The following NUP42 variants were observed in gnomAD, a reference collection of about 807,000 sequenced individuals.
The protein encoded by NUP42 is nucleoporin 42, also known as nucleoporin NUP42.
NUP42 carries 47 observed loss-of-function variants against 35.9 expected under a neutral mutation model. That is an observed-to-expected ratio of 1.31 (90% CI 1.04 to 1.67). The LOEUF is 1.67. Ranked by LOEUF, NUP42 falls within the 40% of genes most tolerant of loss-of-function variation. The pLI is 0.00. For synonymous variants in NUP42, 173 were observed against 173.3 expected (o/e 1.00, Z 0.01); for missense variants, 514 against 492.2 (o/e 1.04, Z -0.42).
At chr7:23,182,581 G>A (rs1043105799) in intron 1 of NUP42, 3 of 882,176 alleles carry the variant, frequency 3.4e-6, no homozygotes, top group Non-Finnish European at 4.1e-6. Flanking sequence ...TCATTTTGGA[G>A]AAGTCGTGGA....
chr7:23,191,261 C>A (rs560809174), intron 3 of NUP42, among the ~76,000 whole-genome samples: 3 of 152,072 alleles, frequency 2.0e-5, no homozygotes, highest in Admixed American at 6.5e-5. Flanking sequence ...AAAAGAGGGA[C>A]GTGATCTGAT....
At chr7:23,193,281 C>T (rs928148366) in intron 3 of NUP42, among the ~76,000 whole-genome samples, 1 of 152,194 alleles carries the variant, frequency 6.6e-6, no homozygotes, top group Non-Finnish European at 1.5e-5. Context: ...CCACTGCTGG[C>T]TGGGGCAGCC....
chr7:23,189,433 G>A (rs1437534452), intron 3 of NUP42, among the ~76,000 whole-genome samples: 1 of 152,104 alleles, frequency 6.6e-6, no homozygotes. Context: ...GGACAATATA[G>A]CAAGACCTTG....
chr7:23,190,942 G>A (rs900571403), intron 3 of NUP42, among the ~76,000 whole-genome samples: 1 of 152,138 alleles, frequency 6.6e-6, no homozygotes, highest in Non-Finnish European at 1.5e-5. Context: ...GGCAATTAGG[G>A]GAACAATATT....
At chr7:23,188,038 A>C (rs867007292) in intron 3 of NUP42, 1 of 1,390,594 alleles carries the variant, frequency 7.2e-7, no homozygotes, top group Admixed American at 2.7e-5. Flanking sequence ...CATAGTCCCT[A>C]AGCCCTTTCT....
In NUP42 at chr7:23,190,034, A is replaced by G. The variant is rs374244528; in HGVS notation, c.445+2888A>G. Among the ~76,000 whole-genome samples, 27 of 152,344 alleles carry G rather than the reference A, an allele frequency of 1.8e-4. No homozygotes were observed. In the South Asian group the frequency reaches 5.4e-3, roughly 30 times the overall value. On this transcript the variant is annotated intron_variant, in intron 3 of 6. Coordinates refer to ENST00000258742, the MANE Select transcript of NUP42 (RefSeq NM_007342.3). ...TATATGTGATATTACAAAATTATGC[A>G]TGGCTGAAAGTCCATTCTACATGCA...
At chr7:23,185,443 G>A (rs1785558549) in intron 2 of NUP42, 145 bp downstream of exon 2, 4 of 654,166 alleles carry the variant, frequency 6.1e-6, no homozygotes, top group Non-Finnish European at 1.0e-5. Flanking sequence ...TTTTAAATCA[G>A]AGTAGCAAAA....
intron 3 of NUP42, among the ~76,000 whole-genome samples, chr7:23,194,100 C>T (rs1321712526): frequency 6.6e-6 from 1 of 152,204 alleles, no homozygotes; most frequent in African/African-American, 2.4e-5. Context: ...TTGCCACTCG[C>T]GCCTCTCCCT....
chr7:23,182,558 C>G, intron 1 of NUP42: 2 of 983,566 alleles, frequency 2.0e-6, no homozygotes, highest in Non-Finnish European at 2.5e-6. Context: ...CAGCTTGGGT[C>G]AGAATCAGGA....
chr7:23,192,272 G>A (rs572333008), intron 3 of NUP42, among the ~76,000 whole-genome samples: 87 of 152,120 alleles, frequency 5.7e-4, no homozygotes, highest in Non-Finnish European at 1.0e-3. Context: ...CGGATCAGGC[G>A]CGGTGGCTCA....
rs75352203 is a variant in NUP42 at position 23,200,925 on chromosome 7, T to C, written c.*180T>C. 347 of 376,420 alleles carry C rather than the reference T, an allele frequency of 9.2e-4. 2 individuals are homozygous for C. Among genetic ancestry groups the C allele is most frequent in the African/African-American group, 6.6e-3 (319 of 48,122 alleles). The allele number at this position is 376,420 out of a possible 1,614,324, so 23.3% of individuals were successfully genotyped here. A position where few individuals can be genotyped will look rare whatever the true frequency, so the allele number is the denominator to read the frequency against. ...TTTAAGTAAAAAGTAACAAAAACTCTGCAAGCAAGGGAATTTTTTTGTACT... is the reference window on the plus strand; with the variant it reads ...TTTAAGTAAAAAGTAACAAAAACTCCGCAAGCAAGGGAATTTTTTTGTACT... On this transcript the variant is annotated 3_prime_UTR_variant, in exon 7 of 7. Transcript: ENST00000258742.
At chr7:23,182,741 C>A (rs1440193755) in intron 1 of NUP42, among the ~76,000 whole-genome samples, 2 of 57,254 alleles carry the variant, frequency 3.5e-5, no homozygotes, top group Non-Finnish European at 6.5e-5. Flanking sequence ...ACTAAAAATA[C>A]CAAAAAAAAA....
At chr7:23,193,823 C>G (rs1406134670) in intron 3 of NUP42, among the ~76,000 whole-genome samples, 1 of 152,186 alleles carries the variant, frequency 6.6e-6, no homozygotes, top group African/African-American at 2.4e-5. Flanking sequence ...CAGGAGCGCA[C>G]GGAGGTGAGG....
chr7:23,197,160 T>A, intron 5 of NUP42: 1 of 1,270,140 alleles, frequency 7.9e-7, no homozygotes, highest in Non-Finnish European at 1.0e-6. Flanking sequence ...AGTATGTTCC[T>A]TGTCTTAAAC....
intron 3 of NUP42, 42 bp downstream of exon 3, chr7:23,187,188 T>TATTATTTTCTAAAACC: frequency 7.5e-7 from 1 of 1,339,590 alleles, no homozygotes; most frequent in African/African-American, 1.5e-5. Context: ...GTTCTAAAAC[T>TATTATTTTCTAAAACC]ATTATTTTCT....
chr7:23,194,698 T>C, intron 3 of NUP42: 1 of 184,144 alleles, frequency 5.4e-6, no homozygotes, highest in Non-Finnish European at 1.1e-5. Context: ...TTGTTTTTGT[T>C]TTTGTTTTGA....
At chr7:23,190,742 A>G (rs2128473548) in intron 3 of NUP42, among the ~76,000 whole-genome samples, 1 of 152,348 alleles carries the variant, frequency 6.6e-6, no homozygotes, top group African/African-American at 2.4e-5. Flanking sequence ...TACATATGTA[A>G]CAAACCTGCA....
At chr7:23,195,723 C>T (rs1626853) in intron 3 of NUP42, 116 bp from the exon 4 acceptor site, 39,355 of 645,980 alleles carry the variant, frequency 0.061, 1,954 homozygotes, top group African/African-American at 0.18. Context: ...GTTTCTTCCT[C>T]ATGGTTATGA....
rs760992578 is a variant in NUP42, at chr7:23,182,059, A to G, written c.-27A>G. Reference sequence around the variant, plus strand: ...AGGCATCGAACGGTGCAGACTGAAGACGCCCTCCGTCAGCGACGCCGTCGC... The same window carrying G: ...AGGCATCGAACGGTGCAGACTGAAGGCGCCCTCCGTCAGCGACGCCGTCGC... On this transcript the variant is annotated 5_prime_UTR_variant, in exon 1 of 7. Coordinates refer to ENST00000258742, the MANE Select transcript of NUP42 (RefSeq NM_007342.3). 1.9e-6 allele frequency: 3 copies of G among 1,612,330 alleles called. No individual in the cohort carries two copies. The South Asian group carries it at 3.3e-5, about 18-fold the overall frequency.
Sources: allele counts gnomAD v4.1 joint callset (sites outside exome capture counted in the v4.1 genomes callset), GRCh38; gene constraint gnomAD v4.1.1; transcripts MANE v1.5; gene names NCBI Gene and HGNC (gene_info 2026-07-23, HGNC 2026-07-21).